The following CHIC2 variants were observed in gnomAD, a reference collection of about 807,000 sequenced individuals.
The protein encoded by CHIC2 is cysteine-rich hydrophobic domain-containing protein 2.
In CHIC2, 14 loss-of-function variants were observed where a neutral mutation model predicts 25.9. The ratio of observed to expected loss-of-function variants is 0.54; its 90% CI spans 0.36 to 0.85. CHIC2 has a LOEUF of 0.85. CHIC2 is among the 40% of genes least tolerant of loss of function. The pLI, the probability that CHIC2 is intolerant of heterozygous loss-of-function variation, is 0.01. For missense variants in CHIC2, 146 were observed against 202.0 expected (o/e 0.72, Z 1.68); for synonymous variants, 70 against 72.0 (o/e 0.97, Z 0.14).
intron 3 of CHIC2, among the ~76,000 whole-genome samples, chr4:54,020,698 T>C (rs1715870990): frequency 6.6e-6 from 1 of 152,150 alleles, no homozygotes; most frequent in African/African-American, 2.4e-5. Flanking sequence ...TCGCTACCCT[T>C]CAATCTCCCT....
chr4:54,061,264 C>T (rs1461774773), intron 1 of CHIC2: 1 of 152,142 alleles, frequency 6.6e-6, no homozygotes, highest in Non-Finnish European at 1.5e-5. Flanking sequence ...TTCTTTCTCA[C>T]ATCACCACAA....
At chr4:54,088,447 A>T in the CHIC2 span, among the ~76,000 whole-genome samples, 1 of 152,216 alleles carries the variant, frequency 6.6e-6, no homozygotes, top group Non-Finnish European at 1.5e-5. Flanking sequence ...TTTCAAAGCA[A>T]AAAAGAAAAA....
chr4:54,055,387 G>A (rs1189113355), intron 1 of CHIC2, among the ~76,000 whole-genome samples: 1 of 152,160 alleles, frequency 6.6e-6, no homozygotes, highest in African/African-American at 2.4e-5. Flanking sequence ...AGACAGAATG[G>A]ATGTAGTGAA....
the CHIC2 span, among the ~76,000 whole-genome samples, chr4:54,090,436 C>T: frequency 2.0e-5 from 3 of 152,136 alleles, no homozygotes; most frequent in South Asian, 2.1e-4. Context: ...CTGCCTGCCT[C>T]GGCCTGCCAA....
At chr4:54,019,761 A>C (rs1715842378) in intron 3 of CHIC2, among the ~76,000 whole-genome samples, 1 of 152,254 alleles carries the variant, frequency 6.6e-6, no homozygotes, top group South Asian at 2.1e-4. Flanking sequence ...ATTTCCACTA[A>C]GCAATCATCC....
chr4:54,011,752 C>T (rs1010830762), intron 5 of CHIC2, among the ~76,000 whole-genome samples: 5 of 151,836 alleles, frequency 3.3e-5, no homozygotes, highest in African/African-American at 1.2e-4. Flanking sequence ...TAGAGACTGG[C>T]CACTTGTCTC....
intron 3 of CHIC2, among the ~76,000 whole-genome samples, chr4:54,029,490 TC>T (rs1467352545): frequency 6.6e-6 from 1 of 152,252 alleles, no homozygotes; most frequent in Non-Finnish European, 1.5e-5. Context: ...GCATTGATTT[TC>T]CACATCTTCA....
the CHIC2 span, among the ~76,000 whole-genome samples, chr4:54,082,865 C>A: frequency 1.3e-5 from 2 of 152,142 alleles, no homozygotes; most frequent in Non-Finnish European, 2.9e-5. Context: ...AAGTACTACA[C>A]CAAAACAATG....
intron 3 of CHIC2, among the ~76,000 whole-genome samples, chr4:54,034,535 T>G (rs1716326780): frequency 6.6e-6 from 1 of 152,208 alleles, no homozygotes; most frequent in Non-Finnish European, 1.5e-5. Context: ...TTTTTCAGCT[T>G]TCTCTGTAAG....
chr4:54,035,505 G>A (rs2110074639), intron 3 of CHIC2, among the ~76,000 whole-genome samples: 1 of 152,212 alleles, frequency 6.6e-6, no homozygotes, highest in South Asian at 2.1e-4. Flanking sequence ...TTAAGGTGTT[G>A]AATTACAGGC....
At chr4:54,084,593 A>G in the CHIC2 span, among the ~76,000 whole-genome samples, 1 of 152,134 alleles carries the variant, frequency 6.6e-6, no homozygotes, top group South Asian at 2.1e-4. Flanking sequence ...AATTATTGTC[A>G]CTGATGCTTT....
the CHIC2 span, among the ~76,000 whole-genome samples, chr4:54,090,106 C>T: frequency 6.6e-6 from 1 of 152,106 alleles, no homozygotes; most frequent in Admixed American, 6.5e-5. Flanking sequence ...AATCCAAAAT[C>T]TTCAGACACA....
chr4:54,063,190 C>G (rs114409331), intron 1 of CHIC2, among the ~76,000 whole-genome samples: 1,566 of 152,330 alleles, frequency 0.01, 17 homozygotes, highest in Non-Finnish European at 0.014. Context: ...TCCAGACATT[C>G]TCAGACTTGC....
At chr4:54,047,661 A>C (rs1190641686) in intron 3 of CHIC2, among the ~76,000 whole-genome samples, 1 of 77,214 alleles carries the variant, frequency 1.3e-5, no homozygotes, top group African/African-American at 5.1e-5. Context: ...GGGTGGGGGG[A>C]GGGGGGAGGG....
At chr4:54,067,978 T>G (rs1048866979), upstream of CHIC2, among the ~76,000 whole-genome samples, 1 of 148,658 alleles carries the variant, frequency 6.7e-6, no homozygotes, top group African/African-American at 2.5e-5. Flanking sequence ...TATTTGGAAA[T>G]GGAGCCTTTG....
the CHIC2 span, among the ~76,000 whole-genome samples, chr4:54,088,427 T>C: frequency 3.9e-5 from 6 of 152,230 alleles, no homozygotes; most frequent in Non-Finnish European, 8.8e-5. Flanking sequence ...AAATAAAATT[T>C]GTTTCTAAAT....
chr4:54,066,250 T>C (rs995142980), upstream of CHIC2, among the ~76,000 whole-genome samples: 1 of 152,200 alleles, frequency 6.6e-6, no homozygotes, highest in East Asian at 1.9e-4. Flanking sequence ...GTTCAGTACC[T>C]GCCCCATTGG....
chr4:54,046,458 C>T (rs1047023376), intron 3 of CHIC2, among the ~76,000 whole-genome samples: 1 of 152,014 alleles, frequency 6.6e-6, no homozygotes, highest in South Asian at 2.1e-4. Flanking sequence ...CAGATATAGA[C>T]CAATGGAACA....
At chr4:54,068,424 G>A (rs1018659157), upstream of CHIC2, among the ~76,000 whole-genome samples, 1 of 152,128 alleles carries the variant, frequency 6.6e-6, no homozygotes, top group Non-Finnish European at 1.5e-5. Context: ...ATACAAGGAC[G>A]AAGCCCCTCA....
Sources: allele counts gnomAD v4.1 joint callset (sites outside exome capture counted in the v4.1 genomes callset), GRCh38; gene constraint gnomAD v4.1.1; transcripts MANE v1.5; gene names NCBI Gene and HGNC (gene_info 2026-07-23, HGNC 2026-07-21).